The following INTS13 variants were observed in gnomAD, a reference collection of about 807,000 sequenced individuals.
INTS13 encodes asunder, spermatogenesis regulator homolog (Drosphila).
INTS13 carries 35 observed loss-of-function variants against 90.2 expected under a neutral mutation model. The observed-to-expected ratio is 0.39, with a 90% CI of 0.30 to 0.51. The LOEUF (loss-of-function observed/expected upper bound fraction) is 0.51, where lower values mean the gene tolerates loss of function less well. Ranked by LOEUF, INTS13 falls within the 20% of genes least tolerant of loss-of-function variation. The pLI is 0.80. For missense variants in INTS13, 601 were observed against 851.2 expected (o/e 0.71, Z 3.66); for synonymous variants, 309 against 277.1 (o/e 1.11, Z -1.14).
At chr12:26,916,211 TG>T in intron 10 of INTS13, 31 bp from the exon 11 acceptor site, 1 of 1,546,090 alleles carries the variant, frequency 6.5e-7, no homozygotes, top group Non-Finnish European at 8.8e-7. Flanking sequence ...CTATCAGTAA[TG>T]AAACTCAAAT....
chr12:26,936,130 A>T (rs1938444806), intron 2 of INTS13, among the ~76,000 whole-genome samples: 2 of 152,242 alleles, frequency 1.3e-5, no homozygotes. Context: ...GTGACTCAGG[A>T]CAAGTTTCTT....
chr12:26,918,896 C>A lies in INTS13; in HGVS notation c.890-1163G>T, dbSNP rs960946680. The A allele has an allele frequency of 7.3e-5, 14 of 191,858 alleles. No individual in the cohort carries two copies. The Admixed American group carries it at 7.3e-4, about 10-fold the overall frequency. The allele number at this position is 191,858 out of a possible 1,614,324, so 11.9% of individuals were successfully genotyped here. On this transcript the variant is annotated intron_variant, in intron 8 of 16. Transcript: ENST00000261191. ...ATTAAGTAAAGAAATGGAACAGATG[C>A]AGTGTCTCACATCTAAAATCTCAGT...
At chr12:26,928,598 T>G in intron 4 of INTS13, 105 bp downstream of exon 4, 1 of 1,158,164 alleles carries the variant, frequency 8.6e-7, no homozygotes, top group Non-Finnish European at 1.2e-6. Context: ...ACTTGTAATA[T>G]GCTTAAACGT....
intron 15 of INTS13, 32 bp downstream of exon 15, chr12:26,911,146 T>C: frequency 6.3e-7 from 1 of 1,586,464 alleles, no homozygotes; most frequent in Non-Finnish European, 8.5e-7. Context: ...GGAAAACTTT[T>C]TATAAACCTA....
chr12:26,924,459 C>G lies in INTS13; in HGVS notation c.700G>C (p.Val234Leu). 1 of 1,609,546 alleles carries G rather than the reference C, an allele frequency of 6.2e-7. No individual in the cohort carries two copies. The highest frequency in any genetic ancestry group is 8.5e-7 in the Non-Finnish European group (1 of 1,177,574). Residue 234 changes from valine (V) to leucine (L), a missense_variant, in exon 7 of 17, where the codon GTT (valine) becomes CTT (leucine). Around this residue, in one of 3 missense-constraint regions of INTS13, gnomAD observed 284 missense variants for 387.7 expected, o/e 0.73. Coordinates refer to ENST00000261191, the MANE Select transcript of INTS13 (RefSeq NM_018164.3). ...TGCCGTCCTGCACGAACACTATGAA[C>G]TTCACTGGTTAAAACCGGGGACAAC... ...KELSPVLTSEVHSVRAGRHLA... is the reference protein window; with the variant it reads ...KELSPVLTSELHSVRAGRHLA...
intron 5 of INTS13, among the ~76,000 whole-genome samples, chr12:26,926,137 C>T (rs187999633): frequency 7.2e-5 from 11 of 152,190 alleles, no homozygotes; most frequent in Non-Finnish European, 1.5e-4. Context: ...CAATAGATAA[C>T]TGCAACAGCG....
chr12:26,936,790 G>GA lies in INTS13; in HGVS notation c.13dup (p.Ser5PhefsTer2), dbSNP rs1238249580. The GA allele has an allele frequency of 2.5e-6, 4 of 1,612,192 alleles. No individual in the cohort carries two copies. Among genetic ancestry groups the GA allele is most frequent in the South Asian group, 1.1e-5 (1 of 90,956 alleles). On this transcript the variant is annotated frameshift_variant, in exon 2 of 17. Coordinates refer to ENST00000261191, the MANE Select transcript of INTS13 (RefSeq NM_018164.3). LOFTEE classifies it high-confidence loss of function. ...AACAAACACTGTTTTATGAGATTCA[G>GA]AAAAAATCTTCATTTTGTTTTAACC...
At chr12:26,914,679 G>A in intron 11 of INTS13, 101 bp from the exon 12 acceptor site, 1 of 917,296 alleles carries the variant, frequency 1.1e-6, no homozygotes, top group Non-Finnish European at 1.6e-6. Flanking sequence ...GTCCTGTGAT[G>A]TGCAACAAAA....
At position 26,916,088 on chromosome 12, in the gene INTS13, C is replaced by A. The variant is rs767007670; in HGVS notation, c.1162G>T (p.Val388Phe). 1 of 1,613,680 alleles carries A rather than the reference C, an allele frequency of 6.2e-7. No homozygotes were observed. The highest frequency in any genetic ancestry group is 8.5e-7 in the Non-Finnish European group (1 of 1,179,808). The change falls in exon 11 of 17, where the codon GTC becomes TTC. Residue 388 changes from valine (V) to phenylalanine (F), a missense_variant. Transcript: ENST00000261191. ...SSHGGEIFLH[V>F]LSSSRSILED... Reference sequence around the variant, plus strand: ...AGAATGGATCGAGAACTGCTAAGGACGTGCAAAAAAATCTCTCCTCCATGG... The same window carrying A: ...AGAATGGATCGAGAACTGCTAAGGAAGTGCAAAAAAATCTCTCCTCCATGG...
chr12:26,915,621 T>C (rs1396439028), intron 11 of INTS13, among the ~76,000 whole-genome samples: 2 of 152,164 alleles, frequency 1.3e-5, no homozygotes. Flanking sequence ...TCCTTTTATG[T>C]TCCTCCCAAT....
At chr12:26,924,141 T>C (rs1937733862) in intron 7 of INTS13, among the ~76,000 whole-genome samples, 1 of 152,052 alleles carries the variant, frequency 6.6e-6, no homozygotes, top group South Asian at 2.1e-4. Flanking sequence ...ATAATACATG[T>C]CCAACAATTA....
chr12:26,936,078 C>A (rs1047302261), intron 2 of INTS13, among the ~76,000 whole-genome samples: 2 of 152,170 alleles, frequency 1.3e-5, no homozygotes, highest in Non-Finnish European at 2.9e-5. Flanking sequence ...AAGCAGCTAG[C>A]CAGCTTAGGT....
chr12:26,911,393 T>TG (rs1463085644), intron 14 of INTS13, 76 bp from the exon 15 acceptor site: 2 of 1,290,014 alleles, frequency 1.6e-6, no homozygotes, highest in Admixed American at 2.6e-5. Context: ...AAACTAACTT[T>TG]GCATATCAAC....
chr12:26,934,103 A>G (rs1938336873), intron 3 of INTS13, among the ~76,000 whole-genome samples: 3 of 152,092 alleles, frequency 2.0e-5, no homozygotes, highest in Admixed American at 2.0e-4. Flanking sequence ...GCTAAACCCT[A>G]TTTCTACTAA....
At chr12:26,933,867 A>G (rs1938322283) in intron 3 of INTS13, among the ~76,000 whole-genome samples, 1 of 152,232 alleles carries the variant, frequency 6.6e-6, no homozygotes, top group African/African-American at 2.4e-5. Context: ...GGGGAGAAAA[A>G]GGAGATAATA....
At chr12:26,916,216 C>T in intron 10 of INTS13, 36 bp from the exon 11 acceptor site, 1 of 1,479,082 alleles carries the variant, frequency 6.8e-7, no homozygotes, top group Non-Finnish European at 9.1e-7. Context: ...AGTAATGAAA[C>T]TCAAATGGGC....
rs188814952 is a variant in INTS13 at position 26,932,079 on chromosome 12, C to A, written c.300+2477G>T. Among the ~76,000 whole-genome samples, 505 of 130,680 alleles carry A rather than the reference C, an allele frequency of 3.9e-3. 2 individuals are homozygous for A. The highest frequency in any genetic ancestry group is 0.014 in the African/African-American group (475 of 33,726). The allele number at this position is 130,680 out of a possible 152,430, so 85.7% of individuals were successfully genotyped here. On this transcript the variant is annotated intron_variant, in intron 3 of 16. Coordinates refer to ENST00000261191, the MANE Select transcript of INTS13 (RefSeq NM_018164.3). ...TCCAGCCTGGGCAACAAGAGTGAAA[C>A]TCAGTCTCAAAAAAAAAAAAAAAAA... is the stretch of plus-strand genomic sequence containing the variant.
intron 15 of INTS13, 139 bp from the exon 16 acceptor site, chr12:26,906,576 C>T (rs1951616916): frequency 1.1e-6 from 1 of 922,422 alleles, no homozygotes; most frequent in Non-Finnish European, 1.6e-6. Context: ...GTTCATTTTA[C>T]ACGATTAAGG....
intron 15 of INTS13, among the ~76,000 whole-genome samples, chr12:26,906,722 C>T (rs973869060): frequency 2.6e-5 from 4 of 152,176 alleles, no homozygotes; most frequent in Non-Finnish European, 5.9e-5. Flanking sequence ...TACAGCATTA[C>T]AGTAAGGAGA....
Sources: allele counts gnomAD v4.1 joint callset (sites outside exome capture counted in the v4.1 genomes callset), GRCh38; gene constraint gnomAD v4.1.1; regional missense constraint gnomAD v4.1.1; transcripts MANE v1.5; gene names NCBI Gene and HGNC (gene_info 2026-07-23, HGNC 2026-07-21).